DLG2: variants seen among roughly 807,000 people sequenced by gnomAD.
DLG2 encodes the protein discs large MAGUK scaffold protein 2.
DLG2 carries 45 observed loss-of-function variants against 132.5 expected under a neutral mutation model. The observed-to-expected ratio is 0.34, with a 90% confidence interval of 0.27 to 0.44. The LOEUF is 0.44. DLG2 is among the 20% of genes least tolerant of loss of function. The probability of loss-of-function intolerance (pLI) is 1.00; values close to 1 mark genes in which losing one functional copy is unlikely to be tolerated. For synonymous variants in DLG2, 424 were observed against 419.6 expected (o/e 1.01, Z -0.13); for missense variants, 1,045 against 1,196.9 (o/e 0.87, Z 1.87).
intron 21 of DLG2, among the ~76,000 whole-genome samples, chr11:83,531,052 A>G (rs2095730123): frequency 6.6e-6 from 1 of 152,036 alleles, no homozygotes; most frequent in Non-Finnish European, 1.5e-5. Flanking sequence ...CTAAAATTAT[A>G]AAACTCTTAG....
chr11:84,175,057 A>C (rs2095920461), intron 8 of DLG2, among the ~76,000 whole-genome samples: 1 of 152,218 alleles, frequency 6.6e-6, no homozygotes. Context: ...TTACTTACTG[A>C]TGGAAAGTAT....
chr11:84,372,115 A>T (rs1342185044), intron 7 of DLG2, among the ~76,000 whole-genome samples: 1 of 152,190 alleles, frequency 6.6e-6, no homozygotes, highest in Non-Finnish European at 1.5e-5. Context: ...AACAGTATAA[A>T]ACTTACGACT....
intron 12 of DLG2, among the ~76,000 whole-genome samples, chr11:83,971,767 A>G (rs1196430656): frequency 6.6e-6 from 1 of 152,204 alleles, no homozygotes; most frequent in African/African-American, 2.4e-5. Context: ...GACCAATCCA[A>G]TGTAGTAATG....
At chr11:85,425,111 A>G (rs1409300608) in intron 3 of DLG2, among the ~76,000 whole-genome samples, 1 of 152,238 alleles carries the variant, frequency 6.6e-6, no homozygotes, top group Non-Finnish European at 1.5e-5. Flanking sequence ...TGAATAACAG[A>G]TTGTAAATTA....
intron 11 of DLG2, among the ~76,000 whole-genome samples, chr11:84,022,783 TA>T (rs1278759043): frequency 6.6e-6 from 1 of 152,040 alleles, no homozygotes; most frequent in African/African-American, 2.4e-5. Flanking sequence ...AACATGCTTT[TA>T]AAAAATACAT....
rs1352628359 is a variant in DLG2, at chr11:84,502,264, T to A, written c.519+32306A>T. ...CTTCCTTCCTTCCTTCCTTCCTTCC[T>A]TCCTTCCTTCCTTCCTTCTTTCTTT... On this transcript the variant is annotated intron_variant, in intron 7 of 27. Transcript: ENST00000376104. 8.1e-5 allele frequency among the ~76,000 whole-genome samples: 4 copies of A among 49,180 alleles called. 2 individuals carry two copies. The highest frequency in any genetic ancestry group is 7.9e-4 in the East Asian group (2 of 2,540). The allele number at this position is 49,180 out of a possible 152,430, so 32.3% of individuals were successfully genotyped here. A position where few individuals can be genotyped will look rare whatever the true frequency, so the allele number is the denominator to read the frequency against.
chr11:84,948,816 T>C (rs1193202110), intron 6 of DLG2, among the ~76,000 whole-genome samples: 2 of 152,222 alleles, frequency 1.3e-5, no homozygotes, highest in Non-Finnish European at 2.9e-5. Flanking sequence ...ACATCATTTC[T>C]CTGAGCCTCA....
At chr11:84,389,888 A>G (rs1402997093) in intron 7 of DLG2, among the ~76,000 whole-genome samples, 1 of 152,192 alleles carries the variant, frequency 6.6e-6, no homozygotes, top group Non-Finnish European at 1.5e-5. Context: ...TCATGAGGTA[A>G]CAATATGCAA....
intron 3 of DLG2, among the ~76,000 whole-genome samples, chr11:85,355,978 C>T (rs1282654712): frequency 6.6e-6 from 1 of 152,204 alleles, no homozygotes; most frequent in Non-Finnish European, 1.5e-5. Context: ...TTGCACAGAT[C>T]ACCAAACACC....
chr11:83,626,050 A>T (rs2062468325), intron 19 of DLG2, among the ~76,000 whole-genome samples: 1 of 152,174 alleles, frequency 6.6e-6, no homozygotes, highest in African/African-American at 2.4e-5. Context: ...GGCATAATGC[A>T]CTAGAGCTAT....
intron 6 of DLG2, among the ~76,000 whole-genome samples, chr11:84,561,943 C>T (rs2154526311): frequency 6.6e-6 from 1 of 152,068 alleles, no homozygotes; most frequent in South Asian, 2.1e-4. Context: ...ATAATTTAGC[C>T]TTGCACTGCT....
intron 6 of DLG2, among the ~76,000 whole-genome samples, chr11:84,731,051 A>T (rs1189910090): frequency 1.3e-5 from 2 of 152,056 alleles, no homozygotes; most frequent in African/African-American, 4.8e-5. Context: ...TAAGATTGTT[A>T]TAAGAAAATT....
chr11:85,426,504 C>T (rs889145018), intron 3 of DLG2, among the ~76,000 whole-genome samples: 5 of 152,212 alleles, frequency 3.3e-5, no homozygotes, highest in Admixed American at 1.3e-4. Flanking sequence ...ACTGCTGATA[C>T]TCAGGCAAAC....
intron 6 of DLG2, among the ~76,000 whole-genome samples, chr11:84,643,995 T>C (rs1428197787): frequency 6.6e-6 from 1 of 152,220 alleles, no homozygotes; most frequent in Middle Eastern, 3.2e-3. Flanking sequence ...GTTCAAACAG[T>C]CAGTATCTTG....
intron 3 of DLG2, among the ~76,000 whole-genome samples, chr11:85,289,565 T>C (rs2152767691): frequency 6.6e-6 from 1 of 152,166 alleles, no homozygotes; most frequent in East Asian, 1.9e-4. Context: ...TGGAAAGTTG[T>C]AGGGGATTGT....
intron 10 of DLG2, among the ~76,000 whole-genome samples, chr11:84,093,905 G>A (rs564696095): frequency 2.6e-5 from 4 of 151,988 alleles, no homozygotes; most frequent in Admixed American, 6.5e-5. Flanking sequence ...ATGAGCCATC[G>A]CGCCTATTCG....
At chr11:83,686,442 C>T (rs66700973) in intron 18 of DLG2, among the ~76,000 whole-genome samples, 13,640 of 151,932 alleles carry the variant, frequency 0.09, 801 homozygotes, top group African/African-American at 0.17. Flanking sequence ...GTTCTTTGTT[C>T]ATTTCTTTAC....
At chr11:83,657,754 A>C (rs939780443) in intron 18 of DLG2, among the ~76,000 whole-genome samples, 6 of 151,886 alleles carry the variant, frequency 4.0e-5, no homozygotes, top group Non-Finnish European at 7.4e-5. Context: ...ATTAGCCAGG[A>C]TGGTCTCAAT....
intron 18 of DLG2, among the ~76,000 whole-genome samples, chr11:83,718,168 C>CTCTCTGCTG (rs1224011954): frequency 1.3e-5 from 2 of 152,134 alleles, no homozygotes; most frequent in Non-Finnish European, 2.9e-5. Flanking sequence ...AAGGGAGCAC[C>CTCTCTGCTG]TCTCTGCTGT....
Sources: allele counts gnomAD v4.1 joint callset (sites outside exome capture counted in the v4.1 genomes callset), GRCh38; gene constraint gnomAD v4.1.1; transcripts MANE v1.5; gene names NCBI Gene and HGNC (gene_info 2026-07-23, HGNC 2026-07-21).